PRMT9: variants seen among roughly 807,000 people sequenced by gnomAD.
The protein encoded by PRMT9 is protein arginine methyltransferase 9, also known as protein arginine N-methyltransferase 9.
In PRMT9, 59 loss-of-function variants were observed where a neutral mutation model predicts 83.2. The observed-to-expected ratio is 0.71, with a 90% CI of 0.57 to 0.88. The LOEUF (loss-of-function observed/expected upper bound fraction) is 0.88, where lower values mean the gene tolerates loss of function less well. Ranked by LOEUF, PRMT9 falls within the 40% of genes least tolerant of loss-of-function variation. The pLI is 0.00. For synonymous variants in PRMT9, 333 were observed against 353.2 expected (o/e 0.94, Z 0.64); for missense variants, 947 against 1,021.9 (o/e 0.93, Z 1.00).
At chr4:147,662,408 G>C (rs28675706) in intron 6 of PRMT9, among the ~76,000 whole-genome samples, 8,968 of 152,236 alleles carry the variant, frequency 0.059, 864 homozygotes, top group African/African-American at 0.2. Context: ...GGTCCTTGAT[G>C]TCAGCACTGA....
At position 147,680,471 on chromosome 4, in the gene PRMT9, C is replaced by T. The variant is rs1165328672; in HGVS notation, c.190G>A (p.Glu64Lys). Residue 64 changes from glutamate to lysine, a missense_variant and splice_region_variant, in exon 2 of 12, where the codon GAA (glutamate) becomes AAA (lysine). By Grantham distance (56) the Glu-to-Lys change is moderately conservative. Transcript: ENST00000322396. ...CTGAAAAGTGTGTACTGAAAAGTTT[C>T]CTTTACAAATAAGAAAAAAATTATG... Reference protein sequence around the residue: ...LAPELKHDVKETFQYTLFRWA... With the variant: ...LAPELKHDVKKTFQYTLFRWA... 3.7e-6 allele frequency: 6 copies of T among 1,611,054 alleles called. No homozygotes were observed. Among genetic ancestry groups the T allele is most frequent in the Non-Finnish European group, 5.1e-6 (6 of 1,177,800 alleles).
rs953533087 is a variant in PRMT9, at chr4:147,673,126, G to C, written c.576C>G (p.Ser192Arg). 3 of 1,613,560 alleles carry C rather than the reference G, an allele frequency of 1.9e-6. No individual in the cohort carries two copies. The highest frequency in any genetic ancestry group is 2.2e-5 in the East Asian group (1 of 44,862). Residue 192 changes from serine to arginine, a missense_variant and splice_region_variant, in exon 4 of 12, where the codon AGC becomes AGG. Coordinates refer to ENST00000322396, the MANE Select transcript of PRMT9 (RefSeq NM_138364.4). ...LDIGAGTGIL[S>R]MFAKKAGAHS... ...GTGCTCCAGCTTTTTTAGCAAACAT[G>C]CTACAAGGGAAAAAAGTTCTCCATC...
intron 4 of PRMT9, 36 bp downstream of exon 4, chr4:147,672,923 A>G: frequency 6.4e-7 from 1 of 1,557,584 alleles, no homozygotes; most frequent in Non-Finnish European, 8.9e-7. Flanking sequence ...AAAAATAGAG[A>G]AGTATAAACA....
rs749570123 is a variant in PRMT9 at position 147,654,048 on chromosome 4, T to C, written c.1849A>G (p.Ile617Val). The C allele has an allele frequency of 1.2e-6, 2 of 1,614,108 alleles. No individual in the cohort carries two copies. The highest frequency in any genetic ancestry group is 1.3e-5 in the African/African-American group (1 of 74,942). ...GCTTCAGATATGAGGTCCAGAGCAATACGATGCTGGTCTTTCTCCACAGAA... is the reference window on the plus strand; with the variant it reads ...GCTTCAGATATGAGGTCCAGAGCAACACGATGCTGGTCTTTCTCCACAGAA... ...YSSVEKDQHR[I>V]ALDLISEANH... The change falls in exon 9 of 12, where the codon ATT (isoleucine) becomes GTT (valine). Residue 617 changes from isoleucine (I) to valine (V), a missense_variant. Coordinates refer to ENST00000322396, the MANE Select transcript of PRMT9 (RefSeq NM_138364.4).
intron 4 of PRMT9, among the ~76,000 whole-genome samples, chr4:147,671,405 A>G (rs1405628274): frequency 1.3e-5 from 2 of 152,218 alleles, no homozygotes; most frequent in African/African-American, 4.8e-5. Context: ...CTTTCTTTCT[A>G]GAAAACTTTA....
At chr4:147,656,208 C>A (rs181906339) in intron 8 of PRMT9, among the ~76,000 whole-genome samples, 6 of 152,112 alleles carry the variant, frequency 3.9e-5, no homozygotes, top group Admixed American at 1.3e-4. Flanking sequence ...GCCTTTATGA[C>A]CTTGCCAAAT....
At chr4:147,658,419 A>T (rs1272973714) in intron 7 of PRMT9, among the ~76,000 whole-genome samples, 1 of 152,028 alleles carries the variant, frequency 6.6e-6, no homozygotes, top group Non-Finnish European at 1.5e-5. Context: ...GTCTGGAAAG[A>T]TGTACTTCAA....
chr4:147,652,546 A>G (rs1424035054), intron 9 of PRMT9, among the ~76,000 whole-genome samples: 1 of 152,000 alleles, frequency 6.6e-6, no homozygotes, highest in East Asian at 1.9e-4. Context: ...TGAACCTATA[A>G]GCAGTGGCAC....
At chr4:147,663,250 C>T (rs929011277) in intron 6 of PRMT9, among the ~76,000 whole-genome samples, 2 of 151,944 alleles carry the variant, frequency 1.3e-5, no homozygotes, top group Non-Finnish European at 2.9e-5. Flanking sequence ...CCTCATGATC[C>T]GCCCGCCTCA....
intron 6 of PRMT9, among the ~76,000 whole-genome samples, chr4:147,662,336 G>A (rs1735021952): frequency 6.6e-6 from 1 of 152,138 alleles, no homozygotes; most frequent in African/African-American, 2.4e-5. Context: ...GGGAGAGTGG[G>A]GCACTGGTAA....
At chr4:147,641,586 C>T (rs1194388438) in intron 10 of PRMT9, among the ~76,000 whole-genome samples, 1 of 152,192 alleles carries the variant, frequency 6.6e-6, no homozygotes, top group Non-Finnish European at 1.5e-5. Flanking sequence ...ATTGTCTCTT[C>T]CAATGTAAAT....
chr4:147,682,233 G>A (rs1021906537), intron 1 of PRMT9, among the ~76,000 whole-genome samples: 2 of 151,882 alleles, frequency 1.3e-5, no homozygotes, highest in African/African-American at 4.8e-5. Flanking sequence ...AGGCTGGAGC[G>A]CAATGGCGTG....
intron 2 of PRMT9, among the ~76,000 whole-genome samples, chr4:147,675,803 A>ATTAGCAAT (rs1488024921): frequency 1.3e-5 from 2 of 152,208 alleles, no homozygotes; most frequent in Non-Finnish European, 2.9e-5. Context: ...TATCTTCTTG[A>ATTAGCAAT]TTAGCAATTT....
At chr4:147,645,184 A>G (rs1176241275) in intron 9 of PRMT9, among the ~76,000 whole-genome samples, 2 of 152,206 alleles carry the variant, frequency 1.3e-5, no homozygotes, top group Non-Finnish European at 2.9e-5. Flanking sequence ...TAAAACCTAA[A>G]CAAGCTAAGC....
Position 147,649,174 on chromosome 4 carries a change from GGAGAGAGAGAAGAGGGA to G in PRMT9, c.2045+4661_2045+4677del, listed in dbSNP as rs1244038088. 7.3e-5 allele frequency among the ~76,000 whole-genome samples: 11 copies of G among 151,464 alleles called. No homozygotes were observed. In the East Asian group the frequency reaches 1.9e-3, roughly 27 times the overall value. On this transcript the variant is annotated intron_variant, in intron 9 of 11. Coordinates refer to ENST00000322396, the MANE Select transcript of PRMT9 (RefSeq NM_138364.4). Reference sequence around the variant, plus strand: ...GCAGAGAGAGAGAGAGAGAAGAGGGGGAGAGAGAGAAGAGGGAGAGAGAGAGAGAAGAGGGAGAGAGA... The same window carrying G: ...GCAGAGAGAGAGAGAGAGAAGAGGGGGAGAGAGAGAGAAGAGGGAGAGAGA...
intron 1 of PRMT9, among the ~76,000 whole-genome samples, chr4:147,683,354 A>T (rs1736621015): frequency 6.6e-6 from 1 of 152,224 alleles, no homozygotes; most frequent in Non-Finnish European, 1.5e-5. Flanking sequence ...TGTTGCAAAA[A>T]GCTAGCTATG....
chr4:147,642,850 A>G lies in PRMT9; in HGVS notation c.2136T>C (p.Asn712=), dbSNP rs1733496741. 6.2e-7 allele frequency: 1 copy of G among 1,613,776 alleles called. No individual in the cohort carries two copies. The highest frequency in any genetic ancestry group is 8.5e-7 in the Non-Finnish European group (1 of 1,179,756). Residue 712 remains asparagine (N), a synonymous_variant, in exon 10 of 12, where the codon AAT becomes AAC. Coordinates refer to ENST00000322396, the MANE Select transcript of PRMT9 (RefSeq NM_138364.4). ...GAGTACGTTCTGTTCCTTGAACAGC[A>G]TTCTCCTCTAGGAGTGTCTGTGATT... ...LVESQTLLEE[N]AVQGTERTLG...
At chr4:147,668,842 T>C (rs1007176807) in intron 5 of PRMT9, among the ~76,000 whole-genome samples, 197 bp from the exon 6 acceptor site, 6 of 152,178 alleles carry the variant, frequency 3.9e-5, no homozygotes, top group Non-Finnish European at 7.4e-5. Flanking sequence ...ATCCCAGCAC[T>C]TTAGGAGGCC....
intron 1 of PRMT9, among the ~76,000 whole-genome samples, chr4:147,681,416 T>C (rs1736460699): frequency 6.6e-6 from 1 of 152,210 alleles, no homozygotes; most frequent in Non-Finnish European, 1.5e-5. Flanking sequence ...TTTTAAATCA[T>C]CTTCACATAT....
Sources: allele counts gnomAD v4.1 joint callset (sites outside exome capture counted in the v4.1 genomes callset), GRCh38; gene constraint gnomAD v4.1.1; transcripts MANE v1.5; gene names NCBI Gene and HGNC (gene_info 2026-07-23, HGNC 2026-07-21).